The following CERS6 variants were observed in gnomAD, a reference collection of about 807,000 sequenced individuals.
CERS6 encodes ceramide synthase 6.
In CERS6, 26 loss-of-function variants were observed where a neutral mutation model predicts 56.8. The observed-to-expected ratio is 0.46, with a 90% CI of 0.34 to 0.63. The LOEUF is 0.63. Ranked by LOEUF, CERS6 falls within the 30% of genes least tolerant of loss-of-function variation. The pLI, the probability that CERS6 is intolerant of heterozygous loss-of-function variation, is 0.01. For missense variants in CERS6, 415 were observed against 467.5 expected (o/e 0.89, Z 1.04); for synonymous variants, 164 against 173.3 (o/e 0.95, Z 0.42).
chr2:168,747,502 A>C (rs1311528699), intron 8 of CERS6, among the ~76,000 whole-genome samples: 1 of 152,194 alleles, frequency 6.6e-6, no homozygotes, highest in Non-Finnish European at 1.5e-5. Context: ...CTTAAAAGAT[A>C]GATAACCGTA....
intron 6 of CERS6, among the ~76,000 whole-genome samples, chr2:168,695,525 T>G (rs1347642377): frequency 6.6e-6 from 1 of 152,212 alleles, no homozygotes; most frequent in African/African-American, 2.4e-5. Flanking sequence ...TCCCCTCCAC[T>G]GTAATCACTT....
At chr2:168,605,614 A>G (rs1277511436) in intron 3 of CERS6, among the ~76,000 whole-genome samples, 2 of 152,156 alleles carry the variant, frequency 1.3e-5, no homozygotes, top group Admixed American at 1.3e-4. Context: ...CAAGAGTCCT[A>G]GGAGTGGAAG....
At chr2:168,562,977 A>G (rs1695818553) in intron 3 of CERS6, among the ~76,000 whole-genome samples, 1 of 152,314 alleles carries the variant, frequency 6.6e-6, no homozygotes, top group African/African-American at 2.4e-5. Context: ...GCACATGTCT[A>G]CATGCTGAAA....
intron 3 of CERS6, among the ~76,000 whole-genome samples, chr2:168,601,116 C>T (rs1327454764): frequency 6.6e-6 from 1 of 152,200 alleles, no homozygotes; most frequent in Non-Finnish European, 1.5e-5. Flanking sequence ...CCCTGTGATT[C>T]AACCAGGCAA....
intron 8 of CERS6, among the ~76,000 whole-genome samples, chr2:168,750,472 C>T (rs1268090410): frequency 6.6e-6 from 1 of 152,146 alleles, no homozygotes; most frequent in Non-Finnish European, 1.5e-5. Flanking sequence ...TTTAAAATTA[C>T]ATCTTTTTTC....
chr2:168,690,200 A>G (rs4668098), intron 4 of CERS6, among the ~76,000 whole-genome samples: 100,702 of 152,056 alleles, frequency 0.66, 36,797 homozygotes, highest in Non-Finnish European at 0.81. Context: ...TAAGAAACAT[A>G]TAGATGTATA....
chr2:168,482,689 G>A (rs142663140), intron 1 of CERS6, among the ~76,000 whole-genome samples: 274 of 152,368 alleles, frequency 1.8e-3, no homozygotes, highest in Non-Finnish European at 3.1e-3. Flanking sequence ...TTTGATTAGT[G>A]CAGTGGCACG....
In CERS6 at chr2:168,558,523, G is replaced by A. The variant is rs374872128; in HGVS notation, c.277-2669G>A. 7.2e-5 allele frequency among the ~76,000 whole-genome samples: 11 copies of A among 152,316 alleles called. 1 individual carries two copies. The East Asian group carries it at 1.9e-3, about 27-fold the overall frequency. ...TATGCAACTATTTTTGTGACAAGGGGTGATATAATAATATATATTCAAGTT... is the reference window on the plus strand; with the variant it reads ...TATGCAACTATTTTTGTGACAAGGGATGATATAATAATATATATTCAAGTT... On this transcript the variant is annotated intron_variant, in intron 2 of 9. Transcript: ENST00000305747.
chr2:168,750,912 A>G (rs1559080219), intron 8 of CERS6, among the ~76,000 whole-genome samples: 1 of 152,218 alleles, frequency 6.6e-6, no homozygotes, highest in Non-Finnish European at 1.5e-5. Context: ...TGTATCCTCC[A>G]TAGTTCCTGG....
intron 3 of CERS6, among the ~76,000 whole-genome samples, chr2:168,598,588 A>G (rs1683858647): frequency 6.6e-6 from 1 of 152,302 alleles, no homozygotes; most frequent in East Asian, 1.9e-4. Context: ...ATATGTGGCA[A>G]TCCAAGAATA....
At chr2:168,535,234 C>T (rs1695238783) in intron 1 of CERS6, among the ~76,000 whole-genome samples, 2 of 152,238 alleles carry the variant, frequency 1.3e-5, no homozygotes, top group Non-Finnish European at 2.9e-5. Flanking sequence ...TGGTGCTGGT[C>T]ACCCTTCCCC....
At chr2:168,729,343 C>T (rs908722424) in intron 8 of CERS6, among the ~76,000 whole-genome samples, 5 of 152,184 alleles carry the variant, frequency 3.3e-5, no homozygotes, top group African/African-American at 7.2e-5. Flanking sequence ...GAAGAACCGT[C>T]GTCAACTATG....
At chr2:168,637,938 C>G (rs1684900347) in intron 4 of CERS6, among the ~76,000 whole-genome samples, 1 of 151,032 alleles carries the variant, frequency 6.6e-6, no homozygotes, top group Non-Finnish European at 1.5e-5. Context: ...ATGGAAAAGA[C>G]TATACATAGG....
At chr2:168,757,606 G>A (rs975668539) in intron 8 of CERS6, among the ~76,000 whole-genome samples, 4 of 152,172 alleles carry the variant, frequency 2.6e-5, no homozygotes, top group Admixed American at 2.6e-4. Flanking sequence ...TTCTGGCCAG[G>A]CATGGTGGCT....
At chr2:168,705,890 T>G (rs141169509) in intron 6 of CERS6, among the ~76,000 whole-genome samples, 2 of 152,186 alleles carry the variant, frequency 1.3e-5, no homozygotes, top group African/African-American at 4.8e-5. Flanking sequence ...CTTGCATCAC[T>G]TAAGACTGTT....
At chr2:168,475,018 T>G (rs926127295) in intron 1 of CERS6, among the ~76,000 whole-genome samples, 1 of 152,176 alleles carries the variant, frequency 6.6e-6, no homozygotes, top group Non-Finnish European at 1.5e-5. Flanking sequence ...CAGCAACAAC[T>G]ATGAACTGAG....
chr2:168,570,969 G>A (rs1695974775), intron 3 of CERS6, among the ~76,000 whole-genome samples: 2 of 152,168 alleles, frequency 1.3e-5, no homozygotes, highest in South Asian at 4.1e-4. Flanking sequence ...CATTGGTAAA[G>A]TTATTTAATA....
chr2:168,475,805 G>T (rs991891059), intron 1 of CERS6, among the ~76,000 whole-genome samples: 1 of 152,116 alleles, frequency 6.6e-6, no homozygotes, highest in Non-Finnish European at 1.5e-5. Flanking sequence ...AAGATTATTG[G>T]CTCCTGCCCC....
intron 3 of CERS6, among the ~76,000 whole-genome samples, chr2:168,625,376 T>A (rs1256172024): frequency 6.6e-6 from 1 of 152,206 alleles, no homozygotes; most frequent in Non-Finnish European, 1.5e-5. Context: ...CCTTTTTTGT[T>A]CATACTTGCA....
Sources: gnomAD v4.1 joint callset for allele counts (sites outside exome capture counted in the v4.1 genomes callset) on GRCh38, gnomAD v4.1.1 for gene constraint, MANE v1.5 for transcripts, NCBI Gene and HGNC (gene_info 2026-07-23, HGNC 2026-07-21) for gene names.